Variants in RPH3AL observed in about 807,000 individuals in gnomAD.
The protein encoded by RPH3AL is rabphilin 3A like (without C2 domains), also known as rab effector Noc2.
RPH3AL carries 38 observed loss-of-function variants against 43.1 expected under a neutral mutation model. That is an observed-to-expected ratio of 0.88 (90% confidence interval 0.68 to 1.15). The LOEUF (loss-of-function observed/expected upper bound fraction) is 1.15, where lower values mean the gene tolerates loss of function less well. Among genes scored for constraint, RPH3AL ranks in the 50% most tolerant of loss-of-function variants. RPH3AL has a pLI of 0.00. For missense variants in RPH3AL, 462 were observed against 423.2 expected (o/e 1.09, Z -0.81); for synonymous variants, 189 against 176.3 (o/e 1.07, Z -0.57).
chr17:316,037 C>T (rs2044140945), intron 5 of RPH3AL, among the ~76,000 whole-genome samples: 2 of 152,064 alleles, frequency 1.3e-5, no homozygotes, highest in South Asian at 4.2e-4. Context: ...CCTCCATTGA[C>T]CTGTAGTCCC....
Position 328,498 on chromosome 17 carries a change from C to G in RPH3AL, c.-36-919G>C, listed in dbSNP as rs1352065714. Among the ~76,000 whole-genome samples, 1 of 151,990 alleles carries G rather than the reference C, an allele frequency of 6.6e-6. No homozygotes were observed. Among genetic ancestry groups the G allele is most frequent in the Non-Finnish European group, 1.5e-5 (1 of 68,012 alleles). Reference sequence around the variant, plus strand: ...CAGGTTCGAAATCCGTTTGACACTTCCTCAAAATGTTGAACACAGACTTAC... The same window carrying G: ...CAGGTTCGAAATCCGTTTGACACTTGCTCAAAATGTTGAACACAGACTTAC... On this transcript the variant is annotated intron_variant, in intron 2 of 9. Coordinates refer to ENST00000331302, the MANE Select transcript of RPH3AL (RefSeq NM_006987.4). This position sits in a 1 kb window ranked among gnomAD's most constrained non-coding sequence, Gnocchi z 4.2.
intron 5 of RPH3AL, among the ~76,000 whole-genome samples, chr17:293,381 G>A (rs1007758448): frequency 4.6e-5 from 7 of 152,096 alleles, no homozygotes; most frequent in Admixed American, 1.3e-4. Context: ...ACGGGGCTTC[G>A]GATCATTTCT....
rs2043198252 is a variant in RPH3AL, at chr17:296,979, C to T, written c.352-15125G>A. On this transcript the variant is annotated intron_variant, in intron 5 of 9. Transcript: ENST00000331302. ...GGCATTGTGTGAGGACAAACCGTAA[C>T]ACCGATTTTCCCCAGGGGGTGAGTG... 2.6e-5 allele frequency among the ~76,000 whole-genome samples: 4 copies of T among 152,292 alleles called. No homozygotes were observed. In the East Asian group the frequency reaches 7.7e-4, roughly 29 times the overall value.
At chr17:267,084 A>G (rs1341429438) in intron 6 of RPH3AL, among the ~76,000 whole-genome samples, 1 of 152,164 alleles carries the variant, frequency 6.6e-6, no homozygotes, top group Admixed American at 6.5e-5. Context: ...AGGTCCCTAC[A>G]AGCTGCTGAG....
chr17:311,942 G>C (rs553141943), intron 5 of RPH3AL, among the ~76,000 whole-genome samples: 2 of 152,256 alleles, frequency 1.3e-5, no homozygotes, highest in South Asian at 4.1e-4. Context: ...AAGGTCTTTA[G>C]GAGGTAATTA....
At chr17:295,536 C>G (rs2043157916) in intron 5 of RPH3AL, among the ~76,000 whole-genome samples, 1 of 53,824 alleles carries the variant, frequency 1.9e-5, no homozygotes. Flanking sequence ...AGGGAATGCA[C>G]ATCAGTGTGG....
intron 7 of RPH3AL, among the ~76,000 whole-genome samples, chr17:244,140 A>AC (rs1651159298): frequency 7.0e-6 from 1 of 143,078 alleles, no homozygotes; most frequent in Non-Finnish European, 1.5e-5. Context: ...TCTATTGATT[A>AC]TCTTCCTCTA....
At chr17:308,696 G>A (rs1282876957) in intron 5 of RPH3AL, among the ~76,000 whole-genome samples, 3 of 152,204 alleles carry the variant, frequency 2.0e-5, no homozygotes, top group Non-Finnish European at 4.4e-5. Context: ...TGGTTAAACT[G>A]CAGCTTCTAG....
At chr17:262,395 T>C (rs782083129) in intron 6 of RPH3AL, among the ~76,000 whole-genome samples, 2 of 152,132 alleles carry the variant, frequency 1.3e-5, no homozygotes, top group Non-Finnish European at 2.9e-5. Flanking sequence ...TTTGTATTTT[T>C]AGTAGAGACG....
In RPH3AL at chr17:344,062, TGTCATCATC is replaced by T. The variant is rs1487475612; in HGVS notation, c.-213+8641_-213+8649del. 7.2e-5 allele frequency among the ~76,000 whole-genome samples: 6 copies of T among 83,842 alleles called. 2 individuals carry two copies. Among genetic ancestry groups the T allele is most frequent in the African/African-American group, 2.1e-4 (6 of 29,146 alleles). 55.0% of individuals were successfully genotyped at this position (83,842 alleles called of 152,430 possible). ...TCATCACCATCATCATCGTCACCAC[TGTCATCATC>T]GTCATCACTATCACCATCATTGTCA... On this transcript the variant is annotated intron_variant, in intron 1 of 9. Coordinates refer to ENST00000331302, the MANE Select transcript of RPH3AL (RefSeq NM_006987.4).
chr17:348,482 C>T (rs7207957), intron 1 of RPH3AL, among the ~76,000 whole-genome samples: 51,835 of 149,928 alleles, frequency 0.35, 9,013 homozygotes, highest in African/African-American at 0.4. Context: ...AGAGGTTAGA[C>T]GGGAACTCTG....
rs552396067 is a variant in RPH3AL at position 290,004 on chromosome 17, G to A, written c.352-8150C>T. ...TCATCTTCCCAAGGGCAGAGGCCAC[G>A]TCTATTTCTGTTCACCCTCCTGCTC... On this transcript the variant is annotated intron_variant, in intron 5 of 9. Coordinates refer to ENST00000331302, the MANE Select transcript of RPH3AL (RefSeq NM_006987.4). This position sits in a 1 kb window ranked among gnomAD's most constrained non-coding sequence, Gnocchi z 4.2. Among the ~76,000 whole-genome samples the A allele has an allele frequency of 1.1e-4, 16 of 152,312 alleles. No homozygotes were observed. Among genetic ancestry groups the A allele is most frequent in the Admixed American group, 5.2e-4 (8 of 15,298 alleles).
intron 5 of RPH3AL, among the ~76,000 whole-genome samples, chr17:307,024 ACT>A (rs2043505039): frequency 2.0e-5 from 3 of 150,964 alleles, no homozygotes; most frequent in African/African-American, 7.3e-5. Flanking sequence ...CATCTGCTCC[ACT>A]CTGCAGCCCG....
At position 219,542 on chromosome 17, in the gene RPH3AL, T is replaced by TTTTTTTTTTTA; in HGVS notation, c.727+80_727+81insTAAAAAAAAAA. 2 of 374,904 alleles carry TTTTTTTTTTTA rather than the reference T, an allele frequency of 5.3e-6. 1 individual carries two copies. Among genetic ancestry groups the TTTTTTTTTTTA allele is most frequent in the Non-Finnish European group, 1.0e-5 (2 of 198,018 alleles). 23.2% of individuals were successfully genotyped at this position (374,904 alleles called of 1,614,324 possible). A position where few individuals can be genotyped will look rare whatever the true frequency, so the allele number is the denominator to read the frequency against. On this transcript the variant is annotated intron_variant, in intron 8 of 9. Transcript: ENST00000331302. ...TTTTTCTTCCTTTTTTTTTTTTTTT[T>TTTTTTTTTTTA]GAGATGGAGTTTCGCTCCTGTTGCC... is the stretch of plus-strand genomic sequence containing the variant.
chr17:252,653 C>T lies in RPH3AL; in HGVS notation c.439-5368G>A, dbSNP rs556408872. On this transcript the variant is annotated intron_variant, in intron 6 of 9. Coordinates refer to ENST00000331302, the MANE Select transcript of RPH3AL (RefSeq NM_006987.4). ...TTCCAATCCTCGTCCTCACGGGCAG[C>T]GCCGCAGCCATCACCCCGCACCCAC... 1.4e-4 allele frequency among the ~76,000 whole-genome samples: 22 copies of T among 152,270 alleles called. 1 individual carries two copies. The East Asian group carries it at 4.2e-3, about 29-fold the overall frequency.
intron 7 of RPH3AL, among the ~76,000 whole-genome samples, chr17:229,915 C>T (rs2041191687): frequency 6.6e-6 from 1 of 152,102 alleles, no homozygotes; most frequent in Non-Finnish European, 1.5e-5. Flanking sequence ...CAGAGCCTGC[C>T]CCTCCCTCCC....
intron 5 of RPH3AL, among the ~76,000 whole-genome samples, chr17:315,541 T>A (rs888609328): frequency 6.7e-6 from 1 of 148,626 alleles, no homozygotes; most frequent in African/African-American, 2.6e-5. Flanking sequence ...TGCTCCCACC[T>A]CCATTGACCT....
chr17:281,754 C>T lies in RPH3AL; in HGVS notation c.438+14G>A. ...CCCACTCAGCCCTCCCCACCGTCACCCTGGACGCCCTACCTCTCTTTGCTC... is the reference window on the plus strand; with the variant it reads ...CCCACTCAGCCCTCCCCACCGTCACTCTGGACGCCCTACCTCTCTTTGCTC... On this transcript the variant is annotated intron_variant, in intron 6 of 9. Transcript: ENST00000331302. The T allele has an allele frequency of 1.2e-6, 2 of 1,611,244 alleles. No individual in the cohort carries two copies. Among genetic ancestry groups the T allele is most frequent in the Non-Finnish European group, 1.7e-6 (2 of 1,177,998 alleles).
intron 6 of RPH3AL, among the ~76,000 whole-genome samples, chr17:251,359 C>T (rs1397320126): frequency 6.6e-6 from 1 of 152,216 alleles, no homozygotes; most frequent in Non-Finnish European, 1.5e-5. Context: ...AGTCTCCTCC[C>T]CCATTCCCAG....
Sources: allele counts gnomAD v4.1 joint callset (sites outside exome capture counted in the v4.1 genomes callset), GRCh38; gene constraint gnomAD v4.1.1; non-coding constraint Gnocchi (gnomAD v3.1); transcripts MANE v1.5; gene names NCBI Gene and HGNC (gene_info 2026-07-23, HGNC 2026-07-21).